Variants in TGM6 observed in about 807,000 individuals in gnomAD.
TGM6 encodes the protein protein-glutamine gamma-glutamyltransferase 6.
Under a neutral mutation model 77.5 loss-of-function variants are expected in TGM6, and 74 were observed. The ratio of observed to expected loss-of-function variants is 0.96; its 90% CI spans 0.79 to 1.16. The LOEUF (loss-of-function observed/expected upper bound fraction) is 1.16. Ranked by LOEUF, TGM6 falls within the 50% of genes most tolerant of loss-of-function variation. The probability of loss-of-function intolerance (pLI) is 0.00; values close to 1 mark genes in which losing one functional copy is unlikely to be tolerated. For missense variants in TGM6, 968 were observed against 940.2 expected (o/e 1.03, Z -0.39); for synonymous variants, 383 against 378.9 (o/e 1.01, Z -0.12).
chr20:2,421,146 C>T (rs1178643662), intron 10 of TGM6, among the ~76,000 whole-genome samples: 1 of 152,080 alleles, frequency 6.6e-6, no homozygotes, highest in East Asian at 1.9e-4. Flanking sequence ...ACGACTACAC[C>T]TAGTTAATTT....
In TGM6 at chr20:2,419,394, G is replaced by C. The variant is rs572744101; in HGVS notation, c.1678+1821G>C. On this transcript the variant is annotated intron_variant, in intron 10 of 12. Transcript: ENST00000202625. ...ATGAAGGAGGTGTCACACTTTTTTA[G>C]CTTTTTTTGTCATTTATTTTTCACA... Among the ~76,000 whole-genome samples the C allele has an allele frequency of 2.6e-5, 4 of 152,162 alleles. No homozygotes were observed. In the East Asian group the frequency reaches 5.8e-4, roughly 22 times the overall value.
chr20:2,405,127 G>A (rs948852978), intron 9 of TGM6, among the ~76,000 whole-genome samples: 1 of 152,138 alleles, frequency 6.6e-6, no homozygotes, highest in African/African-American at 2.4e-5. Flanking sequence ...GAGATGGCTG[G>A]GTCTGTGTTC....
intron 10 of TGM6, among the ~76,000 whole-genome samples, chr20:2,430,161 G>A (rs941497408): frequency 1.3e-5 from 2 of 152,110 alleles, no homozygotes; most frequent in African/African-American, 4.8e-5. Flanking sequence ...CATCTCTGGG[G>A]GCTCTTGGAG....
At chr20:2,427,739 G>A (rs1162794609) in intron 10 of TGM6, among the ~76,000 whole-genome samples, 2 of 151,994 alleles carry the variant, frequency 1.3e-5, no homozygotes, top group Non-Finnish European at 2.9e-5. Flanking sequence ...TGTGTTGGGG[G>A]AGGGGTGTTT....
At chr20:2,403,192 C>T (rs1189952727) in intron 7 of TGM6, among the ~76,000 whole-genome samples, 1 of 152,212 alleles carries the variant, frequency 6.6e-6, no homozygotes, top group East Asian at 1.9e-4. Flanking sequence ...GATAAATGTA[C>T]ACACACATCT....
rs147959288 is a variant in TGM6 at position 2,388,096 on chromosome 20, T to C, written c.8-6356T>C. ...TGTGTCACTCTGTCTTAGCCACAAG[T>C]CTTCCAGGTCCAGAGGGTGGGAATA... On this transcript the variant is annotated intron_variant, in intron 1 of 12. Coordinates refer to ENST00000202625, the MANE Select transcript of TGM6 (RefSeq NM_198994.3). 9.4e-4 allele frequency among the ~76,000 whole-genome samples: 143 copies of C among 152,286 alleles called. 1 individual carries two copies. The highest frequency in any genetic ancestry group is 3.2e-3 in the African/African-American group (135 of 41,550).
chr20:2,416,478 G>A (rs980267372), intron 9 of TGM6, among the ~76,000 whole-genome samples: 4 of 152,170 alleles, frequency 2.6e-5, no homozygotes, highest in Admixed American at 6.5e-5. Flanking sequence ...GAATGAAGTT[G>A]TTATACCCTA....
chr20:2,398,664 C>T (rs1157643380), intron 5 of TGM6, among the ~76,000 whole-genome samples: 2 of 151,490 alleles, frequency 1.3e-5, no homozygotes, highest in Non-Finnish European at 2.9e-5. Flanking sequence ...AACATCAATT[C>T]CACCATAGTC....
In TGM6 at chr20:2,432,373, T is replaced by A. The variant is rs181526569; in HGVS notation, c.1968-117T>A. The A allele has an allele frequency of 2.3e-4, 304 of 1,321,142 alleles. No homozygotes were observed. In the Middle Eastern group the frequency reaches 2.6e-3, roughly 11 times the overall value. The allele number at this position is 1,321,142 out of a possible 1,614,324, so 81.8% of individuals were successfully genotyped here. ...TGCAAACATGTTGATAAGGCTTGAA[T>A]GTCAAGCCACAAGGTGAACTTGATC... On this transcript the variant is annotated intron_variant, in intron 12 of 12. Coordinates refer to ENST00000202625, the MANE Select transcript of TGM6 (RefSeq NM_198994.3).
At position 2,430,893 on chromosome 20, in the gene TGM6, G is replaced by A; in HGVS notation, c.1834-1G>A. 6.2e-7 allele frequency: 1 copy of A among 1,614,154 alleles called. No homozygotes were observed. The highest frequency in any genetic ancestry group is 2.2e-5 in the East Asian group (1 of 44,872). ...TGGCTCATGGGTGTTGTCCCCTTCA[G>A]GTTCTGGGCCCAGCCATGGTGGGAG... is the stretch of plus-strand genomic sequence containing the variant. On this transcript the variant is annotated splice_acceptor_variant, in intron 11 of 12. Transcript: ENST00000202625. LOFTEE classifies it high-confidence loss of function.
At chr20:2,414,184 C>A (rs1166441319) in intron 9 of TGM6, among the ~76,000 whole-genome samples, 1 of 151,964 alleles carries the variant, frequency 6.6e-6, no homozygotes, top group Non-Finnish European at 1.5e-5. Context: ...CCAGCCTGGG[C>A]AACATAGCAA....
At chr20:2,400,276 C>G (rs756921730) in intron 6 of TGM6, 30 bp from the exon 7 acceptor site, 1 of 1,613,698 alleles carries the variant, frequency 6.2e-7, no homozygotes, top group East Asian at 2.2e-5. Context: ...GGCCAGGGTC[C>G]CGCCTGCTCC....
In TGM6 at chr20:2,417,572, A is replaced by T; in HGVS notation, c.1677A>T (p.Glu559Asp). 1 of 1,599,158 alleles carries T rather than the reference A, an allele frequency of 6.3e-7. No individual in the cohort carries two copies. The highest frequency in any genetic ancestry group is 8.5e-7 in the Non-Finnish European group (1 of 1,179,090). The change falls in exon 10 of 13, where the codon GAA becomes GAT. Residue 559 changes from glutamate to aspartate, a missense_variant and splice_region_variant. Glu to Asp is a conservative substitution (Grantham distance 45, BLOSUM62 2). Coordinates refer to ENST00000202625, the MANE Select transcript of TGM6 (RefSeq NM_198994.3). ...ESHAVRLGPQ[E>D]EKRIPITISY... ...ACGCCGTGAGGCTGGGGCCGCAAGA[A>T]GGTAAGTGTACGCTGGCTTGGTGGA...
At chr20:2,395,144 G>A (rs1280511336) in intron 2 of TGM6, 50 bp from the exon 3 acceptor site, 1 of 1,601,362 alleles carries the variant, frequency 6.2e-7, no homozygotes, top group Non-Finnish European at 8.5e-7. Context: ...CTTCTCTAAA[G>A]CTGGGTTTCC....
At chr20:2,417,594 TGGAATCA>T (rs940156076) in intron 10 of TGM6, 21 bp downstream of exon 10, 1 of 1,586,918 alleles carries the variant, frequency 6.3e-7, no homozygotes, top group African/African-American at 1.3e-5. Context: ...GCTGGCTTGG[TGGAATCA>T]GGCCAAACCA....
At chr20:2,402,546 TC>T (rs2084718635) in intron 7 of TGM6, among the ~76,000 whole-genome samples, 1 of 152,162 alleles carries the variant, frequency 6.6e-6, no homozygotes, top group African/African-American at 2.4e-5. Flanking sequence ...GTTATCAGGG[TC>T]CCACCTTTAA....
intron 9 of TGM6, among the ~76,000 whole-genome samples, chr20:2,413,821 T>C (rs779501131): frequency 2.2e-4 from 34 of 152,316 alleles, no homozygotes; most frequent in Non-Finnish European, 4.0e-4. Context: ...GGAGTAAATC[T>C]TCATGATCTT....
At chr20:2,428,955 C>A (rs2084906382) in intron 10 of TGM6, among the ~76,000 whole-genome samples, 1 of 132,204 alleles carries the variant, frequency 7.6e-6, no homozygotes. Flanking sequence ...TCCCAAGTAG[C>A]TGGGATTATA....
At chr20:2,402,018 A>T (rs1599952581) in intron 7 of TGM6, among the ~76,000 whole-genome samples, 1 of 152,106 alleles carries the variant, frequency 6.6e-6, no homozygotes. Context: ...CTGGCAAATC[A>T]CTTGAGGTCA....
Sources: allele counts gnomAD v4.1 joint callset (sites outside exome capture counted in the v4.1 genomes callset), GRCh38; gene constraint gnomAD v4.1.1; transcripts MANE v1.5; gene names NCBI Gene and HGNC (gene_info 2026-07-23, HGNC 2026-07-21).